LUZP2: variants seen among roughly 807,000 people sequenced by gnomAD.
LUZP2 encodes the protein leucine zipper protein 2.
In LUZP2, 52 loss-of-function variants were observed where a neutral mutation model predicts 51.6. That is an observed-to-expected ratio of 1.01 (90% CI 0.81 to 1.27). The LOEUF (loss-of-function observed/expected upper bound fraction) is 1.27, where lower values mean the gene tolerates loss of function less well. Among genes scored for constraint, LUZP2 ranks in the 50% most tolerant of loss-of-function variants. LUZP2 has a pLI of 0.00. For missense variants in LUZP2, 436 were observed against 395.4 expected (o/e 1.10, Z -0.87); for synonymous variants, 154 against 137.3 (o/e 1.12, Z -0.85).
At chr11:24,521,696 A>G (rs11824978) in intron 1 of LUZP2, among the ~76,000 whole-genome samples, 59,522 of 151,990 alleles carry the variant, frequency 0.39, 13,068 homozygotes, top group South Asian at 0.57. Context: ...AACTAGATCC[A>G]GTGAAGCAGA....
At chr11:24,804,042 A>C (rs1849778863) in intron 5 of LUZP2, among the ~76,000 whole-genome samples, 1 of 151,522 alleles carries the variant, frequency 6.6e-6, no homozygotes, top group Admixed American at 6.6e-5. Flanking sequence ...CTTTGCTCCT[A>C]ACACTTCTGA....
At chr11:24,846,034 C>T (rs945969737) in intron 5 of LUZP2, among the ~76,000 whole-genome samples, 1 of 151,842 alleles carries the variant, frequency 6.6e-6, no homozygotes, top group African/African-American at 2.4e-5. Flanking sequence ...TTATCAGATG[C>T]ATCCATTCAA....
intron 7 of LUZP2, among the ~76,000 whole-genome samples, chr11:24,927,021 T>C (rs1854298405): frequency 6.6e-6 from 1 of 152,030 alleles, no homozygotes; most frequent in African/African-American, 2.4e-5. Flanking sequence ...TATTTTCTTA[T>C]ATGTTTGTTG....
chr11:24,586,884 A>T (rs1161670028), intron 1 of LUZP2, among the ~76,000 whole-genome samples: 1 of 152,128 alleles, frequency 6.6e-6, no homozygotes, highest in Non-Finnish European at 1.5e-5. Context: ...ATTCTTCATT[A>T]TATATCTCAT....
At chr11:24,925,745 A>T (rs1017467926) in intron 7 of LUZP2, among the ~76,000 whole-genome samples, 83 of 151,990 alleles carry the variant, frequency 5.5e-4, no homozygotes, top group Non-Finnish European at 7.9e-4. Context: ...TTTTAATTTA[A>T]TTTTTTTATT....
chr11:24,760,726 G>A (rs914167681), intron 4 of LUZP2, among the ~76,000 whole-genome samples: 1 of 152,162 alleles, frequency 6.6e-6, no homozygotes, highest in African/African-American at 2.4e-5. Context: ...CCAAGCCCAG[G>A]AGTCAGATGT....
chr11:24,583,678 T>C (rs1852953759), intron 1 of LUZP2, among the ~76,000 whole-genome samples: 1 of 151,264 alleles, frequency 6.6e-6, no homozygotes, highest in African/African-American at 2.4e-5. Flanking sequence ...TTAAGTGAAG[T>C]AACCAGGGGA....
intron 9 of LUZP2, among the ~76,000 whole-genome samples, chr11:24,989,976 G>A (rs1449871640): frequency 6.6e-6 from 1 of 151,970 alleles, no homozygotes; most frequent in Non-Finnish European, 1.5e-5. Flanking sequence ...AATTGCAATT[G>A]TCATCTGTCT....
intron 1 of LUZP2, among the ~76,000 whole-genome samples, chr11:24,662,825 G>A (rs1382129211): frequency 1.3e-5 from 2 of 151,950 alleles, no homozygotes; most frequent in Non-Finnish European, 2.9e-5. Context: ...GTAATCCTTT[G>A]CAGAAGATAA....
chr11:25,051,350 C>T (rs1218474029), intron 10 of LUZP2, among the ~76,000 whole-genome samples: 3 of 151,824 alleles, frequency 2.0e-5, no homozygotes, highest in African/African-American at 7.3e-5. Context: ...AATTACTCAA[C>T]AGTTTTGCCT....
At chr11:24,523,244 G>T (rs1316338813) in intron 1 of LUZP2, among the ~76,000 whole-genome samples, 1 of 151,762 alleles carries the variant, frequency 6.6e-6, no homozygotes, top group African/African-American at 2.4e-5. Context: ...GCTTAATTTT[G>T]CCCAGTCTGC....
chr11:24,526,651 T>A (rs1850815779), intron 1 of LUZP2, among the ~76,000 whole-genome samples: 1 of 151,448 alleles, frequency 6.6e-6, no homozygotes, highest in Non-Finnish European at 1.5e-5. Context: ...TATGTGCTAG[T>A]GCTTGACAGT....
At chr11:24,826,795 A>T (rs5011479) in intron 5 of LUZP2, among the ~76,000 whole-genome samples, 3 of 151,708 alleles carry the variant, frequency 2.0e-5, no homozygotes, top group Non-Finnish European at 4.4e-5. Flanking sequence ...TCTTTTCTGA[A>T]AAGTTTACCT....
At chr11:24,978,160 A>G (rs6484090) in intron 8 of LUZP2, among the ~76,000 whole-genome samples, 137,733 of 151,580 alleles carry the variant, frequency 0.91, 64,046 homozygotes, top group Non-Finnish European at 1. Context: ...TGTGAATTAG[A>G]TCAAGTATAA....
At chr11:25,073,017 G>A (rs1487242102) in intron 10 of LUZP2, among the ~76,000 whole-genome samples, 2 of 152,066 alleles carry the variant, frequency 1.3e-5, no homozygotes, top group African/African-American at 2.4e-5. Flanking sequence ...TCAGAACAAA[G>A]ACAGCACTTG....
chr11:25,016,642 TGTGTACC>T (rs1191857414), intron 9 of LUZP2, among the ~76,000 whole-genome samples: 1 of 63,088 alleles, frequency 1.6e-5, no homozygotes, highest in Non-Finnish European at 5.2e-5. Flanking sequence ...TTTGTGTCTG[TGTGTACC>T]ACATTTTCTT....
chr11:24,602,083 T>C (rs148605340), intron 1 of LUZP2, among the ~76,000 whole-genome samples: 1,809 of 124,186 alleles, frequency 0.015, 79 homozygotes, highest in African/African-American at 0.059. Flanking sequence ...CGTATATATG[T>C]GTATATATGT....
At chr11:24,757,682 GA>G (rs1361449965) in intron 4 of LUZP2, among the ~76,000 whole-genome samples, 1 of 151,334 alleles carries the variant, frequency 6.6e-6, no homozygotes, top group Non-Finnish European at 1.5e-5. Context: ...TTATGCTAAA[GA>G]AAAAAGGTTA....
intron 9 of LUZP2, among the ~76,000 whole-genome samples, chr11:25,021,054 C>A (rs1857318376): frequency 6.6e-6 from 1 of 152,014 alleles, no homozygotes; most frequent in Non-Finnish European, 1.5e-5. Flanking sequence ...AGATGATAAA[C>A]CCCTTCTGTT....
Sources: gnomAD v4.1 joint callset for allele counts (sites outside exome capture counted in the v4.1 genomes callset) on GRCh38, gnomAD v4.1.1 for gene constraint, MANE v1.5 for transcripts, NCBI Gene and HGNC (gene_info 2026-07-23, HGNC 2026-07-21) for gene names.